Variants in DUOX1 observed in about 807,000 individuals in gnomAD.
DUOX1 encodes the protein dual oxidase 1.
Under a neutral mutation model 181.8 loss-of-function variants are expected in DUOX1, and 134 were observed. The ratio of observed to expected loss-of-function variants is 0.74; its 90% CI spans 0.64 to 0.85. The LOEUF is 0.85. Ranked by LOEUF, DUOX1 falls within the 40% of genes least tolerant of loss-of-function variation. The pLI is 0.00. For synonymous variants in DUOX1, 798 were observed against 832.5 expected (o/e 0.96, Z 0.71); for missense variants, 1,814 against 2,064.4 (o/e 0.88, Z 2.35).
At chr15:45,139,257 G>T (rs1044063031) in intron 11 of DUOX1, 89 bp downstream of exon 11, 2 of 1,606,720 alleles carry the variant, frequency 1.2e-6, no homozygotes, top group African/African-American at 2.7e-5. Flanking sequence ...ATGAGGGGGT[G>T]CCTGGGGCTG....
At chr15:45,158,537 C>T (rs926159771) in intron 28 of DUOX1, among the ~76,000 whole-genome samples, 20 of 151,390 alleles carry the variant, frequency 1.3e-4, no homozygotes, top group African/African-American at 4.4e-4. Context: ...GGTGAAACCC[C>T]GTCTCTACAA....
rs1001168559 is a variant in DUOX1 at position 45,137,847 on chromosome 15, C to A, written c.1023-77C>A. ...GATGGCCTGGGGTCCCTGGATACCG[C>A]CTCAGAGACCAGAACTGATGCCTGA... On this transcript the variant is annotated intron_variant, in intron 9 of 33. Coordinates refer to ENST00000389037, the MANE Select transcript of DUOX1 (RefSeq NM_175940.3). The A allele has an allele frequency of 8.3e-6, 10 of 1,199,418 alleles. No individual in the cohort carries two copies. The African/African-American group carries it at 1.2e-4, about 15-fold the overall frequency. 74.3% of individuals were successfully genotyped at this position (1,199,418 alleles called of 1,614,324 possible).
chr15:45,138,327 G>A (rs1014357944), intron 10 of DUOX1, among the ~76,000 whole-genome samples: 2 of 152,096 alleles, frequency 1.3e-5, no homozygotes, highest in African/African-American at 2.4e-5. Flanking sequence ...TCCCTCTCAC[G>A]TTTTCCCTCT....
chr15:45,161,842 T>C lies in DUOX1; in HGVS notation c.3961T>C (p.Phe1321Leu). The C allele has an allele frequency of 6.2e-7, 1 of 1,613,736 alleles. No homozygotes were observed. Among genetic ancestry groups the C allele is most frequent in the Non-Finnish European group, 8.5e-7 (1 of 1,179,928 alleles). The stretch of plus-strand genomic sequence containing the variant: ...TCTGGGGACCACCGAGTACCACCCC[T>C]TCACACTGACCTCTGCGCCCCATGA... ...LALGTTEYHPFTLTSAPHEDT... is the reference protein window; with the variant it reads ...LALGTTEYHPLTLTSAPHEDT... Residue 1321 changes from phenylalanine (F) to leucine (L), a missense_variant, in exon 30 of 34, where the codon TTC becomes CTC. Around this residue, in one of 5 missense-constraint regions of DUOX1, gnomAD observed 279 missense variants for 381.9 expected, o/e 0.73. Coordinates refer to ENST00000389037, the MANE Select transcript of DUOX1 (RefSeq NM_175940.3).
rs774529261 is a variant in DUOX1 at position 45,143,268 on chromosome 15, G to A, written c.1901G>A (p.Ser634Asn). The change falls in exon 16 of 34, where the codon AGC (serine) becomes AAC (asparagine). Residue 634 changes from serine to asparagine, a missense_variant. Around this residue, in one of 5 missense-constraint regions of DUOX1, gnomAD observed 1,064 missense variants for 1,152.9 expected, o/e 0.92. Coordinates refer to ENST00000389037, the MANE Select transcript of DUOX1 (RefSeq NM_175940.3). ...AGGCTCCAGGGCCAGGACCGCCAGA[G>A]CATCGTGTCTGAGAAGCTCGTGGGA... Reference protein sequence around the residue: ...FKRLQGQDRQSIVSEKLVGGM... With the variant: ...FKRLQGQDRQNIVSEKLVGGM... The A allele has an allele frequency of 1.1e-5, 17 of 1,614,048 alleles. No individual in the cohort carries two copies. The East Asian group carries it at 3.8e-4, about 36-fold the overall frequency.
Position 45,164,955 on chromosome 15 carries a change from C to G in DUOX1, c.*54C>G. On this transcript the variant is annotated 3_prime_UTR_variant, in exon 34 of 34. Transcript: ENST00000389037. Reference sequence around the variant, plus strand: ...CCAGTTGAGCAGAGGTTTGAGCCCACACCTCACCTCTGTTCTTCCTATTTC... The same window carrying G: ...CCAGTTGAGCAGAGGTTTGAGCCCAGACCTCACCTCTGTTCTTCCTATTTC... The G allele has an allele frequency of 1.3e-6, 2 of 1,581,898 alleles. No homozygotes were observed. Among genetic ancestry groups the G allele is most frequent in the Admixed American group, 3.4e-5 (2 of 59,286 alleles).
intron 28 of DUOX1, among the ~76,000 whole-genome samples, chr15:45,156,495 T>C (rs1706806): frequency 0.6 from 91,542 of 151,948 alleles, 28,308 homozygotes; most frequent in South Asian, 0.72. Context: ...TGCAATGGCA[T>C]GATCTCAACT....
chr15:45,139,208 C>A, intron 11 of DUOX1, 40 bp downstream of exon 11: 1 of 1,613,362 alleles, frequency 6.2e-7, no homozygotes, highest in Non-Finnish European at 8.5e-7. Flanking sequence ...GAACTCCTGG[C>A]CTCTGGGAAG....
Position 45,148,333 on chromosome 15 carries a change from T to A in DUOX1, c.2704T>A (p.Ser902Thr). 1 of 1,613,846 alleles carries A rather than the reference T, an allele frequency of 6.2e-7. No homozygotes were observed. Among genetic ancestry groups the A allele is most frequent in the Middle Eastern group, 1.6e-4 (1 of 6,062 alleles). ...SKAQLAEVVESMFRESGFQDK... is the reference protein window; with the variant it reads ...SKAQLAEVVETMFRESGFQDK... ...GGCCCAGCTGGCTGAGGTGGTGGAGTCCATGTTCCGGGAGTCGGGATTCCA... is the reference window on the plus strand; with the variant it reads ...GGCCCAGCTGGCTGAGGTGGTGGAGACCATGTTCCGGGAGTCGGGATTCCA... Residue 902 changes from serine (S) to threonine (T), a missense_variant, in exon 21 of 34, where the codon TCC (serine) becomes ACC (threonine). Transcript: ENST00000389037.
intron 15 of DUOX1, among the ~76,000 whole-genome samples, chr15:45,142,875 T>C (rs887689113): frequency 6.6e-6 from 1 of 151,810 alleles, no homozygotes; most frequent in Non-Finnish European, 1.5e-5. Flanking sequence ...GGCAAGGCTG[T>C]GTGTGGGTCA....
chr15:45,157,020 T>C (rs1896984602), intron 28 of DUOX1, among the ~76,000 whole-genome samples: 1 of 152,194 alleles, frequency 6.6e-6, no homozygotes, highest in South Asian at 2.1e-4. Context: ...GCAGCAGAAC[T>C]GCATACAGGG....
rs1358964310 is a variant in DUOX1, at chr15:45,138,954, C to T, written c.1114-112C>T. The T allele has an allele frequency of 7.2e-6, 7 of 974,714 alleles. No homozygotes were observed. In the East Asian group the frequency reaches 1.8e-4, roughly 26 times the overall value. The allele number at this position is 974,714 out of a possible 1,614,324, so 60.4% of individuals were successfully genotyped here. On this transcript the variant is annotated intron_variant, in intron 10 of 33. Transcript: ENST00000389037. ...AATGTCCCACCGGTTTGGGAGCAAA[C>T]AGCAGGACTGGGTGGGCTCAGGGAT...
intron 18 of DUOX1, among the ~76,000 whole-genome samples, 170 bp downstream of exon 18, chr15:45,145,250 C>G (rs1567013873): frequency 6.6e-6 from 1 of 152,170 alleles, no homozygotes; most frequent in Non-Finnish European, 1.5e-5. Context: ...TGCCCCTGCC[C>G]CCATCTGAAC....
intron 26 of DUOX1, 144 bp from the exon 27 acceptor site, chr15:45,153,807 A>C: frequency 1.3e-6 from 1 of 745,070 alleles, no homozygotes; most frequent in South Asian, 1.7e-5. Flanking sequence ...GAATGGCTTG[A>C]AACCAGGAGG....
chr15:45,147,829 G>A, intron 19 of DUOX1, 75 bp from the exon 20 acceptor site: 1 of 1,519,604 alleles, frequency 6.6e-7, no homozygotes, highest in Admixed American at 1.7e-5. Context: ...ACACTGGTGT[G>A]AGGCCCCTTT....
Position 45,134,152 on chromosome 15 carries a change from G to A in DUOX1, c.150G>A (p.Arg50=). The part of the protein sequence containing the change: ...MEHRWGSKGS[R]LQRLVPASYA... The stretch of plus-strand genomic sequence containing the variant: ...TTACCCCTCCTACCCCAGGCTCCCG[G>A]CTGCAGCGCCTGGTCCCAGCCAGCT... The change falls in exon 4 of 34, where the codon CGG becomes CGA. Residue 50 remains arginine (R), a synonymous_variant. Coordinates refer to ENST00000389037, the MANE Select transcript of DUOX1 (RefSeq NM_175940.3). The A allele has an allele frequency of 6.4e-7, 1 of 1,553,760 alleles. No homozygotes were observed.
intron 9 of DUOX1, 30 bp from the exon 10 acceptor site, chr15:45,137,894 A>G (rs376481701): frequency 7.5e-5 from 117 of 1,551,442 alleles, no homozygotes; most frequent in Non-Finnish European, 9.8e-5. Flanking sequence ...CATTATCTCA[A>G]TCACCATCTC....
chr15:45,151,217 C>T lies in DUOX1; in HGVS notation c.2983C>T (p.Pro995Ser). Residue 995 changes from proline (P) to serine (S), a missense_variant, in exon 23 of 34, where the codon CCC becomes TCC. Pro to Ser is a moderately conservative substitution (Grantham distance 74). Transcript: ENST00000389037. ...GCAGTGCCCCATGGACACAGACCCT[C>T]CCCAGGAGATTCGGCGGAGGTTTGG... ...RLQCPMDTDP[P>S]QEIRRRFGKK... The T allele has an allele frequency of 1.2e-6, 2 of 1,614,158 alleles. No homozygotes were observed. The highest frequency in any genetic ancestry group is 8.5e-7 in the Non-Finnish European group (1 of 1,180,012).
At chr15:45,162,506 C>T in intron 31 of DUOX1, 129 bp downstream of exon 31, 1 of 1,283,666 alleles carries the variant, frequency 7.8e-7, no homozygotes, top group Non-Finnish European at 1.1e-6. Flanking sequence ...TGGTTTGAAA[C>T]CTGGGGTTGG....
Sources: allele counts gnomAD v4.1 joint callset (sites outside exome capture counted in the v4.1 genomes callset), GRCh38; gene constraint gnomAD v4.1.1; regional missense constraint gnomAD v4.1.1; transcripts MANE v1.5; gene names NCBI Gene and HGNC (gene_info 2026-07-23, HGNC 2026-07-21).